The following SORCS1 variants were observed in gnomAD, a reference collection of about 807,000 sequenced individuals.
SORCS1 encodes the protein VPS10 domain-containing receptor SorCS1.
In SORCS1, 60 loss-of-function variants were observed where a neutral mutation model predicts 146.1. The ratio of observed to expected loss-of-function variants is 0.41; its 90% CI spans 0.33 to 0.51. The LOEUF is 0.51. SORCS1 is among the 20% of genes least tolerant of loss of function. The pLI is 0.21. For missense variants in SORCS1, 1,352 were observed against 1,487.6 expected, an observed-to-expected ratio of 0.91 and a Z score of 1.50; for synonymous variants, 637 against 584.0, an observed-to-expected ratio of 1.09 and a Z score of -1.31.
rs1406840273 is a variant in SORCS1, at chr10:107,025,447, G to C, written c.559-68867C>G. ...GAATCAGGTGACTGAAATTACAATG[G>C]AAGCCTGGACATGAAATAAACTATC... On this transcript the variant is annotated intron_variant, in intron 1 of 25. Coordinates refer to ENST00000263054, the MANE Select transcript of SORCS1 (RefSeq NM_052918.5). Among the ~76,000 whole-genome samples, 10 of 152,268 alleles carry C rather than the reference G, an allele frequency of 6.6e-5. No individual in the cohort carries two copies. In the East Asian group the frequency reaches 1.9e-3, roughly 29 times the overall value.
At chr10:106,613,283 G>C (rs1847129453) in intron 21 of SORCS1, among the ~76,000 whole-genome samples, 1 of 152,158 alleles carries the variant, frequency 6.6e-6, no homozygotes, top group Admixed American at 6.5e-5. Context: ...AATTCTCTGT[G>C]CGAGAAAGTG....
At chr10:106,728,840 G>A (rs776343491) in intron 6 of SORCS1, among the ~76,000 whole-genome samples, 1 of 152,162 alleles carries the variant, frequency 6.6e-6, no homozygotes, top group South Asian at 2.1e-4. Flanking sequence ...CTGGGCCAGC[G>A]CTGGGTAGCC....
At chr10:106,965,475 A>G (rs1158744575) in intron 1 of SORCS1, among the ~76,000 whole-genome samples, 1 of 152,178 alleles carries the variant, frequency 6.6e-6, no homozygotes, top group African/African-American at 2.4e-5. Flanking sequence ...AGCAAATACT[A>G]GGGTGTACCA....
At chr10:106,809,900 A>C (rs1947374226) in intron 3 of SORCS1, among the ~76,000 whole-genome samples, 1 of 152,216 alleles carries the variant, frequency 6.6e-6, no homozygotes, top group Non-Finnish European at 1.5e-5. Context: ...TCCATGATTA[A>C]TAGCATCTTT....
At chr10:106,957,070 T>A (rs1289668523) in intron 1 of SORCS1, among the ~76,000 whole-genome samples, 2 of 152,126 alleles carry the variant, frequency 1.3e-5, no homozygotes, top group Non-Finnish European at 2.9e-5. Context: ...TTAAGGGGGA[T>A]GAACAGTAAT....
chr10:106,750,278 C>A (rs1030624766), intron 5 of SORCS1, among the ~76,000 whole-genome samples: 3 of 152,062 alleles, frequency 2.0e-5, no homozygotes, highest in Non-Finnish European at 2.9e-5. Context: ...AGAGAAGCTG[C>A]AGCCTATGGG....
chr10:106,775,192 A>G (rs76020725), intron 4 of SORCS1, among the ~76,000 whole-genome samples: 7,155 of 152,270 alleles, frequency 0.047, 271 homozygotes, highest in East Asian at 0.11. Flanking sequence ...GTGGGGGGGA[A>G]TTAACCAACT....
intron 18 of SORCS1, among the ~76,000 whole-genome samples, chr10:106,651,200 C>T (rs960896349): frequency 3.9e-5 from 6 of 152,034 alleles, no homozygotes; most frequent in African/African-American, 9.7e-5. Context: ...ATTTCAAACT[C>T]GTTATTTCAC....
At position 106,920,493 on chromosome 10, in the gene SORCS1, C is replaced by T. The variant is rs919159738; in HGVS notation, c.626+36020G>A. On this transcript the variant is annotated intron_variant, in intron 2 of 25. Coordinates refer to ENST00000263054, the MANE Select transcript of SORCS1 (RefSeq NM_052918.5). The stretch of plus-strand genomic sequence containing the variant: ...ATCCTGTATACAACTATATTAAATC[C>T]ACCCCTTCTCCCTCCCATGTCCTCA... Among the ~76,000 whole-genome samples the T allele has an allele frequency of 2.0e-5, 3 of 152,078 alleles. No individual in the cohort carries two copies. The East Asian group carries it at 5.8e-4, about 29-fold the overall frequency.
chr10:106,744,569 T>G (rs1857585255), intron 5 of SORCS1, among the ~76,000 whole-genome samples: 2 of 152,254 alleles, frequency 1.3e-5, no homozygotes, highest in African/African-American at 4.8e-5. Flanking sequence ...ATAAGAGTGC[T>G]TACAATGTTT....
chr10:106,725,509 C>T (rs1298514235), intron 6 of SORCS1, among the ~76,000 whole-genome samples: 1 of 151,414 alleles, frequency 6.6e-6, no homozygotes, highest in African/African-American at 2.4e-5. Context: ...TGAGATCGCG[C>T]CATTACACTC....
Position 106,730,182 on chromosome 10 carries a change from C to T in SORCS1, c.960-68G>A, listed in dbSNP as rs774179129. The T allele has an allele frequency of 1.4e-4, 199 of 1,440,662 alleles. 1 individual carries two copies. The highest frequency in any genetic ancestry group is 2.8e-4 in the South Asian group (24 of 87,202). The allele number at this position is 1,440,662 out of a possible 1,614,324, so 89.2% of individuals were successfully genotyped here. A position where few individuals can be genotyped will look rare whatever the true frequency, so the allele number is the denominator to read the frequency against. ...ACTTCACATGTGCCTTAGTGGAACT[C>T]GGCAGAGCCCCCAGACTATTAATAT... On this transcript the variant is annotated intron_variant, in intron 5 of 25. Transcript: ENST00000263054.
chr10:106,868,498 C>T (rs1422054493), intron 2 of SORCS1, among the ~76,000 whole-genome samples: 1 of 152,142 alleles, frequency 6.6e-6, no homozygotes, highest in Non-Finnish European at 1.5e-5. Context: ...ACCAAACACA[C>T]TCTCAGGCCA....
intron 4 of SORCS1, among the ~76,000 whole-genome samples, chr10:106,771,841 C>T (rs1860042602): frequency 6.6e-6 from 1 of 152,190 alleles, no homozygotes; most frequent in Admixed American, 6.5e-5. Flanking sequence ...GCTCCTATGT[C>T]TTTACTCGAT....
intron 1 of SORCS1, among the ~76,000 whole-genome samples, chr10:107,019,231 T>C (rs1004739995): frequency 2.6e-5 from 4 of 152,236 alleles, no homozygotes; most frequent in African/African-American, 9.6e-5. Context: ...TAAACATTTT[T>C]GAAAAATCAG....
rs541808490 is a variant in SORCS1, at chr10:106,577,138, T to G, written c.*282A>C. On this transcript the variant is annotated 3_prime_UTR_variant, in exon 26 of 26. Coordinates refer to ENST00000263054, the MANE Select transcript of SORCS1 (RefSeq NM_052918.5). ...TAAAAAGTCCCGATGCAGTGAGTGT[T>G]TGTTTGTTTGTTTGGATTTTGATTG... is the stretch of plus-strand genomic sequence containing the variant. 5 of 1,201,234 alleles carry G rather than the reference T, an allele frequency of 4.2e-6. No individual in the cohort carries two copies. In the African/African-American group the frequency reaches 7.8e-5, roughly 19 times the overall value. The allele number at this position is 1,201,234 out of a possible 1,614,324, so 74.4% of individuals were successfully genotyped here. A position where few individuals can be genotyped will look rare whatever the true frequency, so the allele number is the denominator to read the frequency against.
intron 2 of SORCS1, among the ~76,000 whole-genome samples, chr10:106,916,597 C>CACAT (rs1952443481): frequency 6.8e-6 from 1 of 148,064 alleles, no homozygotes; most frequent in Non-Finnish European, 1.5e-5. Flanking sequence ...CACACACACA[C>CACAT]ACACATATGC....
At chr10:106,663,694 G>A (rs111900878) in intron 17 of SORCS1, among the ~76,000 whole-genome samples, 1 of 152,142 alleles carries the variant, frequency 6.6e-6, no homozygotes, top group South Asian at 2.1e-4. Flanking sequence ...TTTACCTCTT[G>A]CCAACTCTTG....
chr10:107,032,269 CA>C (rs1195586769), intron 1 of SORCS1, among the ~76,000 whole-genome samples: 1 of 151,382 alleles, frequency 6.6e-6, no homozygotes, highest in African/African-American at 2.4e-5. Context: ...CAAGAAAGGG[CA>C]AAAAAGGGGA....
Sources: gnomAD v4.1 joint callset for allele counts (sites outside exome capture counted in the v4.1 genomes callset) on GRCh38, gnomAD v4.1.1 for gene constraint, MANE v1.5 for transcripts, NCBI Gene and HGNC (gene_info 2026-07-23, HGNC 2026-07-21) for gene names.